CECR2: variants seen among roughly 807,000 people sequenced by gnomAD.
CECR2 encodes the protein chromatin remodeling regulator CECR2.
A neutral mutation model predicts 154.5 loss-of-function variants in CECR2; 30 were observed. The ratio of observed to expected loss-of-function variants is 0.19; its 90% CI spans 0.15 to 0.26. CECR2 has a LOEUF of 0.26. CECR2 is among the 10% of genes least tolerant of loss of function. The probability of loss-of-function intolerance (pLI) is 1.00; values close to 1 mark genes in which losing one functional copy is unlikely to be tolerated. For missense variants in CECR2, 1,743 were observed against 1,829.3 expected (o/e 0.95, Z 0.86); for synonymous variants, 725 against 683.7 (o/e 1.06, Z -0.94).
intron 9 of CECR2, among the ~76,000 whole-genome samples, chr22:17,527,586 G>C (rs956636061): frequency 1.3e-5 from 2 of 152,056 alleles, no homozygotes; most frequent in Non-Finnish European, 2.9e-5. Flanking sequence ...GGCCAACATG[G>C]CAAAACCCTG....
chr22:17,480,177 TTATC>T (rs1335886908), intron 2 of CECR2, among the ~76,000 whole-genome samples: 6 of 152,168 alleles, frequency 3.9e-5, no homozygotes, highest in East Asian at 1.9e-4. Context: ...TCTAGGATTA[TTATC>T]TATCTCTTTT....
chr22:17,439,624 TTACTA>T (rs548084849), intron 1 of CECR2, among the ~76,000 whole-genome samples: 70 of 152,298 alleles, frequency 4.6e-4, no homozygotes, highest in African/African-American at 1.1e-3. Context: ...TACTCATACT[TTACTA>T]ACAAAAAAAT....
At chr22:17,442,970 T>C (rs1428417334) in intron 1 of CECR2, among the ~76,000 whole-genome samples, 1 of 152,208 alleles carries the variant, frequency 6.6e-6, no homozygotes, top group African/African-American at 2.4e-5. Flanking sequence ...TTTTTTAAAC[T>C]TTATCTTGGA....
At position 17,516,297 on chromosome 22, in the gene CECR2, A is replaced by G. The variant is rs2056054191; in HGVS notation, c.954+4401A>G. 2.0e-5 allele frequency among the ~76,000 whole-genome samples: 3 copies of G among 151,756 alleles called. No homozygotes were observed. The South Asian group carries it at 6.2e-4, about 31-fold the overall frequency. On this transcript the variant is annotated intron_variant, in intron 8 of 18. Transcript: ENST00000262608. The stretch of plus-strand genomic sequence containing the variant: ...CATTTATTATATTATATGTGTATAC[A>G]TTTTATATGTATATATACATATATA...
intron 9 of CECR2, among the ~76,000 whole-genome samples, chr22:17,526,054 T>G (rs1350665480): frequency 6.6e-6 from 1 of 152,132 alleles, no homozygotes; most frequent in Non-Finnish European, 1.5e-5. Context: ...ATAACAAGAA[T>G]CAGTATTCTT....
chr22:17,515,500 C>T (rs896045781), intron 8 of CECR2, among the ~76,000 whole-genome samples: 1 of 152,192 alleles, frequency 6.6e-6, no homozygotes, highest in East Asian at 1.9e-4. Flanking sequence ...GGCTTTTCCT[C>T]TATGCATTTA....
intron 9 of CECR2, among the ~76,000 whole-genome samples, chr22:17,533,486 C>T (rs1243641268): frequency 6.6e-6 from 1 of 151,740 alleles, no homozygotes; most frequent in Non-Finnish European, 1.5e-5. Context: ...AATAATTACC[C>T]AGGCATAGTG....
intron 1 of CECR2, among the ~76,000 whole-genome samples, chr22:17,370,888 A>G (rs947347845): frequency 6.6e-6 from 1 of 152,156 alleles, no homozygotes; most frequent in African/African-American, 2.4e-5. Flanking sequence ...TTCTATGGCA[A>G]TATGTGTCGT....
intron 1 of CECR2, among the ~76,000 whole-genome samples, chr22:17,406,793 AGAGATT>A (rs1429508151): frequency 6.6e-6 from 1 of 152,178 alleles, no homozygotes; most frequent in East Asian, 1.9e-4. Flanking sequence ...AATCAACCAC[AGAGATT>A]ACCTGATTGG....
intron 2 of CECR2, among the ~76,000 whole-genome samples, chr22:17,478,571 G>T (rs4819455): frequency 6.6e-6 from 1 of 151,832 alleles, no homozygotes; most frequent in African/African-American, 2.4e-5. Flanking sequence ...TAGCCAGGAT[G>T]GTCTCGATCT....
chr22:17,500,563 T>A, intron 4 of CECR2, 68 bp from the exon 5 acceptor site: 1 of 1,163,474 alleles, frequency 8.6e-7, no homozygotes, highest in Non-Finnish European at 1.2e-6. Flanking sequence ...CCAGAAATAC[T>A]GTTTTAAAAT....
At chr22:17,368,441 C>A (rs1369949683), upstream of CECR2, among the ~76,000 whole-genome samples, 3 of 152,162 alleles carry the variant, frequency 2.0e-5, no homozygotes, top group Non-Finnish European at 4.4e-5. Flanking sequence ...ACGACCAATA[C>A]AAATATCTGA....
chr22:17,380,181 G>A (rs1350396461), intron 1 of CECR2, among the ~76,000 whole-genome samples: 3 of 152,152 alleles, frequency 2.0e-5, no homozygotes, highest in African/African-American at 4.8e-5. Flanking sequence ...CCGAGAATTT[G>A]TGTAAATAAG....
rs1325729545 is a variant in CECR2 at position 17,544,586 on chromosome 22, A to C, written c.2860+1583A>C. ...AGCACTTTAGGAGGCCAAGGCAGGCAGATCACCTGAGGTCAGGAGTTCAAG... is the reference window on the plus strand; with the variant it reads ...AGCACTTTAGGAGGCCAAGGCAGGCCGATCACCTGAGGTCAGGAGTTCAAG... On this transcript the variant is annotated intron_variant, in intron 16 of 18. Transcript: ENST00000262608. 2.0e-5 allele frequency among the ~76,000 whole-genome samples: 3 copies of C among 151,332 alleles called. No homozygotes were observed. The South Asian group carries it at 6.3e-4, about 32-fold the overall frequency.
intron 12 of CECR2, 92 bp downstream of exon 12, chr22:17,538,823 G>A: frequency 7.7e-7 from 1 of 1,294,046 alleles, no homozygotes; most frequent in African/African-American, 1.5e-5. Flanking sequence ...TATATATTTT[G>A]ATACGTTTTT....
intron 1 of CECR2, among the ~76,000 whole-genome samples, chr22:17,464,602 C>T (rs948454911): frequency 1.3e-5 from 2 of 152,176 alleles, no homozygotes; most frequent in African/African-American, 4.8e-5. Context: ...TGGGCTCCAG[C>T]AGTCCTCCCT....
At chr22:17,533,183 G>A (rs900872622) in intron 9 of CECR2, among the ~76,000 whole-genome samples, 2 of 151,636 alleles carry the variant, frequency 1.3e-5, no homozygotes, top group East Asian at 3.9e-4. Flanking sequence ...GGACATGTTG[G>A]TGCACTTCTG....
chr22:17,427,614 A>G (rs2078738), intron 1 of CECR2, among the ~76,000 whole-genome samples: 83,719 of 151,842 alleles, frequency 0.55, 24,268 homozygotes, highest in African/African-American at 0.74. Context: ...GGTGTGGACC[A>G]AAAGAGTGAG....
chr22:17,404,986 C>G (rs1030007493), intron 1 of CECR2, among the ~76,000 whole-genome samples: 1 of 152,176 alleles, frequency 6.6e-6, no homozygotes, highest in African/African-American at 2.4e-5. Flanking sequence ...TGGTACCTCT[C>G]TCTCTCTAGG....
Sources: allele counts gnomAD v4.1 joint callset (sites outside exome capture counted in the v4.1 genomes callset), GRCh38; gene constraint gnomAD v4.1.1; transcripts MANE v1.5; gene names NCBI Gene and HGNC (gene_info 2026-07-23, HGNC 2026-07-21).